MMS19: variants seen among roughly 807,000 people sequenced by gnomAD.
MMS19 encodes MMS19 nucleotide excision repair protein homolog.
A neutral mutation model predicts 129.8 loss-of-function variants in MMS19; 77 were observed. The ratio of observed to expected loss-of-function variants is 0.59; its 90% CI spans 0.49 to 0.72. MMS19 has a LOEUF of 0.72. Among genes scored for constraint, MMS19 ranks in the 30% least tolerant of loss-of-function variants. The pLI is 0.00. For synonymous variants in MMS19, 491 were observed against 502.8 expected (o/e 0.98, Z 0.31); for missense variants, 1,168 against 1,266.3 (o/e 0.92, Z 1.18).
chr10:97,462,345 A>G (rs563257033), intron 20 of MMS19, among the ~76,000 whole-genome samples: 4 of 152,362 alleles, frequency 2.6e-5, no homozygotes, highest in Admixed American at 2.6e-4. Flanking sequence ...AAAATGCTCT[A>G]CAGGTAATTC....
chr10:97,487,353 C>G (rs1300090000), intron 1 of MMS19, among the ~76,000 whole-genome samples: 1 of 145,520 alleles, frequency 6.9e-6, no homozygotes, highest in Non-Finnish European at 1.5e-5. Flanking sequence ...GAATCTCGCT[C>G]TTTCGCCCAG....
At position 97,492,007 on chromosome 10, in the gene MMS19, G is replaced by A. The variant is rs1015745172; in HGVS notation, c.112+6266C>T. ...ACAAAAACTAGCCGGGTGTGGTAGC[G>A]CATGCCTGTAATCCTAGCTACTCCG... On this transcript the variant is annotated intron_variant, in intron 1 of 30. Transcript: ENST00000438925. Among the ~76,000 whole-genome samples, 9 of 151,726 alleles carry A rather than the reference G, an allele frequency of 5.9e-5. No homozygotes were observed. The South Asian group carries it at 8.3e-4, about 14-fold the overall frequency.
chr10:97,483,547 G>A (rs2037274414), intron 2 of MMS19, among the ~76,000 whole-genome samples: 1 of 152,148 alleles, frequency 6.6e-6, no homozygotes, highest in Non-Finnish European at 1.5e-5. Context: ...CAATTTAAAT[G>A]GTCTATACCA....
At position 97,459,377 on chromosome 10, in the gene MMS19, G is replaced by C; in HGVS notation, c.2889C>G (p.Ser963Arg). ...DTLVTKFLNLSSSPSMAVRIA... is the reference protein window; with the variant it reads ...DTLVTKFLNLRSSPSMAVRIA... ...CTCAACGCACCATGGAAGGGCTAGA[G>C]CTGAGGTTCAGAAACTTGGTGACGA... The change falls in exon 28 of 31, where the codon AGC becomes AGG. Residue 963 changes from serine to arginine, a missense_variant. Physicochemically the swap from Ser to Arg is moderately radical, Grantham distance 110 (BLOSUM62 -1). Transcript: ENST00000438925. 1.2e-6 allele frequency: 2 copies of C among 1,605,572 alleles called. No homozygotes were observed. The highest frequency in any genetic ancestry group is 1.7e-6 in the Non-Finnish European group (2 of 1,176,014).
chr10:97,464,088 A>G (rs1796899125), intron 18 of MMS19, 75 bp from the exon 19 acceptor site: 1 of 1,366,668 alleles, frequency 7.3e-7, no homozygotes, highest in African/African-American at 1.4e-5. Context: ...ACAGCAGATG[A>G]GAGGAACAAA....
intron 6 of MMS19, 100 bp from the exon 7 acceptor site, chr10:97,477,063 T>C: frequency 1.3e-6 from 2 of 1,571,862 alleles, no homozygotes; most frequent in Middle Eastern, 2.1e-4. Flanking sequence ...TGCCTCCCCT[T>C]TCTCTTCAGG....
chr10:97,491,515 A>C (rs899057762), intron 1 of MMS19, among the ~76,000 whole-genome samples: 13 of 152,188 alleles, frequency 8.5e-5, no homozygotes, highest in Non-Finnish European at 1.6e-4. Context: ...AAATTAAAAA[A>C]TTAGCTGGGT....
chr10:97,498,620 A>T (rs1466542168), upstream of MMS19: 1 of 535,674 alleles, frequency 1.9e-6, no homozygotes, highest in Non-Finnish European at 3.3e-6. Context: ...GAGGGCGAAT[A>T]ATTCCCAGCC....
chr10:97,485,120 CTTTAT>C lies in MMS19; in HGVS notation c.113-974_113-970del, dbSNP rs538402029. Among the ~76,000 whole-genome samples the C allele has an allele frequency of 5.4e-4, 82 of 151,912 alleles. 1 individual carries two copies. Among genetic ancestry groups the C allele is most frequent in the East Asian group, 2.3e-3 (12 of 5,132 alleles). On this transcript the variant is annotated intron_variant, in intron 1 of 30. Coordinates refer to ENST00000438925, the MANE Select transcript of MMS19 (RefSeq NM_022362.5). ...AATGTGAAAATCTGAATGATGAAAA[CTTTAT>C]TTTATTTATTTATTTATTTTTGAGA...
At chr10:97,478,980 G>A (rs774433110) in intron 3 of MMS19, among the ~76,000 whole-genome samples, 19 of 152,288 alleles carry the variant, frequency 1.2e-4, no homozygotes, top group Non-Finnish European at 2.5e-4. Flanking sequence ...TAGGGAGGCT[G>A]AGGTGGGACG....
chr10:97,459,441 A>G lies in MMS19; in HGVS notation c.2825T>C (p.Leu942Pro), dbSNP rs754376930. ...AAGACTCATGACTTGGGGTGCTTCC[A>G]GTAGAAGAGGCTGAAGGCAGCTGAG... ...STLSCLQPLL[L>P]EAPQVMSLHV... The change falls in exon 28 of 31, where the codon CTG becomes CCG. Residue 942 changes from leucine to proline, a missense_variant. Coordinates refer to ENST00000438925, the MANE Select transcript of MMS19 (RefSeq NM_022362.5). 3 of 1,611,098 alleles carry G rather than the reference A, an allele frequency of 1.9e-6. No individual in the cohort carries two copies. Among genetic ancestry groups the G allele is most frequent in the Non-Finnish European group, 2.5e-6 (3 of 1,178,706 alleles).
intron 26 of MMS19, 121 bp from the exon 27 acceptor site, chr10:97,459,862 G>A (rs867532737): frequency 1.1e-4 from 115 of 1,002,332 alleles, no homozygotes; most frequent in Middle Eastern, 4.2e-4. Flanking sequence ...AGCCCTTCAC[G>A]CTCAGAATAA....
chr10:97,482,822 G>A (rs778659483), intron 2 of MMS19, among the ~76,000 whole-genome samples: 7 of 150,988 alleles, frequency 4.6e-5, no homozygotes, highest in South Asian at 2.1e-4. Flanking sequence ...GTGCAGTGGC[G>A]TAATCTCAGC....
Position 97,462,613 on chromosome 10 carries a change from A to ATGAC in MMS19, c.1978_1981dup (p.Ile661SerfsTer12). 4 of 1,613,924 alleles carry ATGAC rather than the reference A, an allele frequency of 2.5e-6. No homozygotes were observed. In the East Asian group the frequency reaches 8.9e-5, roughly 36 times the overall value. The stretch of plus-strand genomic sequence containing the variant: ...GCTCAGGTGGGTTGTAGCAGTGCCA[A>ATGAC]TGACAGACACCATGGCAGCCAACAC... On this transcript the variant is annotated frameshift_variant, in exon 20 of 31. Coordinates refer to ENST00000438925, the MANE Select transcript of MMS19 (RefSeq NM_022362.5). LOFTEE classifies it high-confidence loss of function.
chr10:97,471,524 T>C (rs541991520), intron 8 of MMS19, among the ~76,000 whole-genome samples: 1 of 152,268 alleles, frequency 6.6e-6, no homozygotes, highest in Non-Finnish European at 1.5e-5. Flanking sequence ...TTATTATTTT[T>C]TTTTGAGACA....
intron 2 of MMS19, among the ~76,000 whole-genome samples, chr10:97,483,270 T>C (rs2037213292): frequency 6.6e-6 from 1 of 152,092 alleles, no homozygotes; most frequent in African/African-American, 2.4e-5. Context: ...CCCAGGCTGG[T>C]CTTAAACTCC....
chr10:97,468,089 A>G (rs1322122636), intron 13 of MMS19, among the ~76,000 whole-genome samples, 163 bp downstream of exon 13: 1 of 151,888 alleles, frequency 6.6e-6, no homozygotes, highest in African/African-American at 2.4e-5. Flanking sequence ...CCTTTTATGT[A>G]TGAGACAGGG....
At position 97,477,935 on chromosome 10, in the gene MMS19, G is replaced by A. The variant is rs771918502; in HGVS notation, c.349-6C>T. 1 of 1,587,836 alleles carries A rather than the reference G, an allele frequency of 6.3e-7. No individual in the cohort carries two copies. Among genetic ancestry groups the A allele is most frequent in the South Asian group, 1.2e-5 (1 of 86,254 alleles). ...GGCAGGGCCACACACAGGCTCTGGG[G>A]GAGAGGAGAAGGTACGTGAATACCG... On this transcript the variant is annotated splice_region_variant and splice_polypyrimidine_tract_variant and intron_variant, in intron 4 of 30. Transcript: ENST00000438925.
intron 9 of MMS19, among the ~76,000 whole-genome samples, chr10:97,470,483 C>T (rs1030762252): frequency 6.6e-6 from 1 of 152,012 alleles, no homozygotes; most frequent in Admixed American, 6.6e-5. Context: ...ACGAGGTCTC[C>T]CTATGTTGCC....
Sources: gnomAD v4.1 joint callset for allele counts (sites outside exome capture counted in the v4.1 genomes callset) on GRCh38, gnomAD v4.1.1 for gene constraint, MANE v1.5 for transcripts, NCBI Gene and HGNC (gene_info 2026-07-23, HGNC 2026-07-21) for gene names.